PPFIA2: variants seen among roughly 807,000 people sequenced by gnomAD.
The protein encoded by PPFIA2 is PPFI scaffold protein A2.
PPFIA2 carries 46 observed loss-of-function variants against 175.5 expected under a neutral mutation model. The ratio of observed to expected loss-of-function variants is 0.26; its 90% CI spans 0.21 to 0.34. PPFIA2 has a LOEUF of 0.34. Among genes scored for constraint, PPFIA2 ranks in the 10% least tolerant of loss-of-function variants. The pLI is 1.00. For missense variants in PPFIA2, 1,179 were observed against 1,506.1 expected, an observed-to-expected ratio of 0.78 and a Z score of 3.60; for synonymous variants, 568 against 511.4, an observed-to-expected ratio of 1.11 and a Z score of -1.49.
intron 24 of PPFIA2, among the ~76,000 whole-genome samples, chr12:81,289,107 A>G (rs1301988189): frequency 6.6e-6 from 1 of 151,808 alleles, no homozygotes; most frequent in Non-Finnish European, 1.5e-5. Context: ...CTATAATAAA[A>G]GTACCTTTCT....
At chr12:81,286,115 C>A (rs1162019954) in intron 24 of PPFIA2, among the ~76,000 whole-genome samples, 1 of 151,752 alleles carries the variant, frequency 6.6e-6, no homozygotes, top group African/African-American at 2.4e-5. Flanking sequence ...TAGCAGAAAG[C>A]TTATAGGACA....
At chr12:81,500,567 T>G (rs972401165) in intron 4 of PPFIA2, among the ~76,000 whole-genome samples, 3 of 152,218 alleles carry the variant, frequency 2.0e-5, no homozygotes, top group African/African-American at 7.2e-5. Context: ...AGTTCCTCCA[T>G]TGATACCTAG....
intron 4 of PPFIA2, among the ~76,000 whole-genome samples, chr12:81,568,858 A>T (rs917427044): frequency 2.0e-5 from 3 of 152,198 alleles, no homozygotes; most frequent in African/African-American, 7.2e-5. Flanking sequence ...TACATGGTAT[A>T]ATGGGGAAAT....
chr12:81,353,811 CAAAAT>C (rs1797215936), intron 16 of PPFIA2, among the ~76,000 whole-genome samples: 1 of 152,078 alleles, frequency 6.6e-6, no homozygotes, highest in African/African-American at 2.4e-5. Context: ...TCGATTCTAA[CAAAAT>C]ATTATTTAAA....
chr12:81,666,459 T>C (rs371007695), intron 4 of PPFIA2, among the ~76,000 whole-genome samples: 1 of 152,172 alleles, frequency 6.6e-6, no homozygotes, highest in East Asian at 1.9e-4. Context: ...ATGTCCTTTG[T>C]AGGGACACGG....
In PPFIA2 at chr12:81,369,133, T is replaced by C; in HGVS notation, c.1328A>G (p.Glu443Gly). 2.5e-6 allele frequency: 4 copies of C among 1,606,684 alleles called. No homozygotes were observed. Among genetic ancestry groups the C allele is most frequent in the Non-Finnish European group, 1.7e-6 (2 of 1,174,926 alleles). Residue 443 changes from glutamate to glycine, a missense_variant, in exon 12 of 33, where the codon GAG becomes GGG. Transcript: ENST00000549396. ...RMRHLEGQLE[E>G]KNQELQRARQ... The stretch of plus-strand genomic sequence containing the variant: ...TACTCTTTGAAGTTCTTGATTCTTC[T>C]CTTCAAGTTGACCCTCTAAATGTCT...
chr12:81,698,186 G>A (rs912583737), intron 3 of PPFIA2, among the ~76,000 whole-genome samples: 1 of 152,070 alleles, frequency 6.6e-6, no homozygotes, highest in Admixed American at 6.6e-5. Context: ...ATGTAGAATT[G>A]CTATGAGTTG....
intron 25 of PPFIA2, 110 bp from the exon 26 acceptor site, chr12:81,283,149 G>T: frequency 2.0e-6 from 2 of 1,006,568 alleles, no homozygotes; most frequent in Non-Finnish European, 3.0e-6. Context: ...AAAATATTTT[G>T]TATAACAGGT....
intron 24 of PPFIA2, among the ~76,000 whole-genome samples, chr12:81,293,633 A>G (rs1470253628): frequency 1.4e-5 from 2 of 142,828 alleles, no homozygotes; most frequent in East Asian, 1.9e-4. Flanking sequence ...AAAAGTTAAG[A>G]AAAAAAAAAG....
intron 29 of PPFIA2, chr12:81,267,377 G>A (rs142794689): frequency 2.8e-6 from 1 of 353,736 alleles, no homozygotes; most frequent in Non-Finnish European, 5.4e-6. Context: ...AATCTATGTA[G>A]GTAGTTCTCA....
intron 4 of PPFIA2, among the ~76,000 whole-genome samples, chr12:81,582,257 A>T (rs1018091095): frequency 6.6e-6 from 1 of 151,884 alleles, no homozygotes; most frequent in Admixed American, 6.6e-5. Flanking sequence ...CTTGCTTTTG[A>T]ATAGATGGAA....
intron 4 of PPFIA2, among the ~76,000 whole-genome samples, chr12:81,566,358 C>T (rs968651398): frequency 2.0e-5 from 3 of 151,638 alleles, no homozygotes; most frequent in Non-Finnish European, 4.4e-5. Context: ...CCCATCTGTA[C>T]TAAGAAAATA....
Position 81,502,907 on chromosome 12 carries a change from T to C in PPFIA2, c.304-45041A>G, listed in dbSNP as rs1008973140. 3.9e-5 allele frequency among the ~76,000 whole-genome samples: 6 copies of C among 152,128 alleles called. No individual in the cohort carries two copies. The South Asian group carries it at 1.2e-3, about 32-fold the overall frequency. ...TCTAATGCAACTTGTACCACTCCAC[T>C]GCTTCCCTGTTTGGAATGCCTCCTC... On this transcript the variant is annotated intron_variant, in intron 4 of 32. Coordinates refer to ENST00000549396, the MANE Select transcript of PPFIA2 (RefSeq NM_003625.5).
chr12:81,267,296 G>A (rs758659818), intron 29 of PPFIA2: 4 of 474,018 alleles, frequency 8.4e-6, no homozygotes, highest in Admixed American at 3.2e-5. Flanking sequence ...TTTCAATTGA[G>A]TATTTTGTTT....
chr12:81,749,072 G>A (rs2083420098), intron 3 of PPFIA2, among the ~76,000 whole-genome samples: 1 of 144,216 alleles, frequency 6.9e-6, no homozygotes, highest in African/African-American at 2.4e-5. Flanking sequence ...AGCCTAGCCT[G>A]GGAAGCACAG....
intron 28 of PPFIA2, among the ~76,000 whole-genome samples, chr12:81,274,185 A>G (rs1449367162): frequency 6.6e-6 from 1 of 152,202 alleles, no homozygotes; most frequent in Non-Finnish European, 1.5e-5. Context: ...TGTGGGTGGC[A>G]GCAACAGTTC....
chr12:81,478,955 C>T (rs979357594), intron 4 of PPFIA2, among the ~76,000 whole-genome samples: 12 of 152,070 alleles, frequency 7.9e-5, no homozygotes, highest in East Asian at 1.9e-4. Context: ...GAGCTGAATT[C>T]GAGTCCTGAA....
intron 4 of PPFIA2, among the ~76,000 whole-genome samples, chr12:81,622,919 C>A (rs1249988978): frequency 6.6e-6 from 1 of 151,974 alleles, no homozygotes; most frequent in Non-Finnish European, 1.5e-5. Flanking sequence ...AAGTTATAGT[C>A]CAGAAGAAAA....
chr12:81,370,574 G>A (rs1485920475), intron 11 of PPFIA2, among the ~76,000 whole-genome samples: 1 of 151,866 alleles, frequency 6.6e-6, no homozygotes, highest in Non-Finnish European at 1.5e-5. Context: ...ATCCCAAACT[G>A]TTCCTGCATT....
Sources: allele counts gnomAD v4.1 joint callset (sites outside exome capture counted in the v4.1 genomes callset), GRCh38; gene constraint gnomAD v4.1.1; transcripts MANE v1.5; gene names NCBI Gene and HGNC (gene_info 2026-07-23, HGNC 2026-07-21).